The following TPD52L2 variants were observed in gnomAD, a reference collection of about 807,000 sequenced individuals.
TPD52L2 encodes TPD52 like 2, also known as tumor protein D54.
TPD52L2 carries 19 observed loss-of-function variants against 24.7 expected under a neutral mutation model. That is an observed-to-expected ratio of 0.77 (90% CI 0.54 to 1.13). TPD52L2 has a LOEUF of 1.13. Among genes scored for constraint, TPD52L2 ranks in the 50% most tolerant of loss-of-function variants. The pLI is 0.00. For synonymous variants in TPD52L2, 104 were observed against 100.2 expected (o/e 1.04, Z -0.23); for missense variants, 236 against 250.4 (o/e 0.94, Z 0.39).
At chr20:63,876,929 C>T (rs778698268) in intron 4 of TPD52L2, 5 of 453,620 alleles carry the variant, frequency 1.1e-5, no homozygotes, top group South Asian at 3.1e-5. Flanking sequence ...TCCAGGGACC[C>T]GGGCGGTTTG....
At chr20:63,886,563 G>GTTAGCCAGGA (rs1555875339) in intron 5 of TPD52L2, among the ~76,000 whole-genome samples, 46 of 151,652 alleles carry the variant, frequency 3.0e-4, no homozygotes, top group Non-Finnish European at 2.2e-4. Flanking sequence ...GGGTTTCACC[G>GTTAGCCAGGA]TGGTCTCGAT....
At chr20:63,870,787 G>A (rs1247737510) in intron 2 of TPD52L2, among the ~76,000 whole-genome samples, 7 of 148,058 alleles carry the variant, frequency 4.7e-5, no homozygotes, top group Non-Finnish European at 1.0e-4. Context: ...GTGTGATCTC[G>A]GCTCGCTGCA....
intron 5 of TPD52L2, chr20:63,887,417 G>A (rs966913321): frequency 1.3e-5 from 12 of 911,942 alleles, no homozygotes; most frequent in South Asian, 1.3e-4. Flanking sequence ...TTCCTTCGGG[G>A]GCATTGTGTG....
chr20:63,873,391 AG>A (rs1441661459), intron 2 of TPD52L2, among the ~76,000 whole-genome samples: 2 of 151,704 alleles, frequency 1.3e-5, no homozygotes, highest in African/African-American at 4.8e-5. Context: ...TGGGAGGCTG[AG>A]GCAGGAGAAT....
chr20:63,871,837 T>C lies in TPD52L2; in HGVS notation c.166-1831T>C, dbSNP rs187041895. Reference sequence around the variant, plus strand: ...TTGGTAGAGACGGCCTTTCATCATATTGGTCAGGCTGGTCTCGGACTCCTG... The same window carrying C: ...TTGGTAGAGACGGCCTTTCATCATACTGGTCAGGCTGGTCTCGGACTCCTG... On this transcript the variant is annotated intron_variant, in intron 2 of 6. Transcript: ENST00000346249. 8.5e-5 allele frequency among the ~76,000 whole-genome samples: 13 copies of C among 152,056 alleles called. No individual in the cohort carries two copies. The East Asian group carries it at 2.3e-3, about 27-fold the overall frequency.
At chr20:63,881,291 C>T (rs187819214) in intron 4 of TPD52L2, among the ~76,000 whole-genome samples, 2 of 151,090 alleles carry the variant, frequency 1.3e-5, no homozygotes, top group South Asian at 2.1e-4. Flanking sequence ...AACCCGGAGG[C>T]GGAGGTTGTA....
At chr20:63,865,746 C>G (rs923428836) in intron 1 of TPD52L2, among the ~76,000 whole-genome samples, 2 of 140,414 alleles carry the variant, frequency 1.4e-5, no homozygotes, top group East Asian at 3.4e-4. Flanking sequence ...TCTGCCACCC[C>G]CCGGTCCCTG....
At position 63,877,102 on chromosome 20, in the gene TPD52L2, T is replaced by C; in HGVS notation, c.374+1227T>C. 2.5e-6 allele frequency: 1 copy of C among 400,428 alleles called. No homozygotes were observed. Among genetic ancestry groups the C allele is most frequent in the Non-Finnish European group, 4.9e-6 (1 of 202,484 alleles). The allele number at this position is 400,428 out of a possible 1,614,324, so 24.8% of individuals were successfully genotyped here. A position where few individuals can be genotyped will look rare whatever the true frequency, so the allele number is the denominator to read the frequency against. ...GTGCAGTGGCGCCATCTGGGCTCAC[T>C]GCAAGCTCCGCCTCCCGGGTTCACA... On this transcript the variant is annotated intron_variant, in intron 4 of 6. Coordinates refer to ENST00000346249, the MANE Select transcript of TPD52L2 (RefSeq NM_003288.4). This position sits in a 1 kb window ranked among gnomAD's most constrained non-coding sequence, Gnocchi z 4.1.
chr20:63,886,013 C>G, intron 5 of TPD52L2: 1 of 1,614,176 alleles, frequency 6.2e-7, no homozygotes, highest in Non-Finnish European at 8.5e-7. Flanking sequence ...TGCCACCTTC[C>G]AGGGCTCATC....
intron 3 of TPD52L2, among the ~76,000 whole-genome samples, chr20:63,875,013 G>A (rs780543800): frequency 4.9e-4 from 75 of 151,878 alleles, no homozygotes; most frequent in Non-Finnish European, 8.8e-4. Flanking sequence ...GTGGTGGTGC[G>A]CACCTGTGAT....
chr20:63,886,246 AC>A lies in TPD52L2; in HGVS notation c.477-2938del. Among the ~76,000 whole-genome samples the A allele has an allele frequency of 2.6e-5, 4 of 151,120 alleles. 1 individual carries two copies. The highest frequency in any genetic ancestry group is 1.9e-4 in the East Asian group (1 of 5,134). On this transcript the variant is annotated intron_variant, in intron 5 of 6. Transcript: ENST00000346249. ...GGGATCGACGCAGAGGCCCCCCGGA[AC>A]CCCCCGGCCCTTCTGTGTCCCCTCC...
At chr20:63,874,385 T>C (rs972595606) in intron 3 of TPD52L2, among the ~76,000 whole-genome samples, 11 of 150,386 alleles carry the variant, frequency 7.3e-5, no homozygotes, top group Non-Finnish European at 1.5e-4. Context: ...TTTATTATTA[T>C]TCTTTTTTGA....
At chr20:63,865,623 G>A (rs887859811) in intron 1 of TPD52L2, among the ~76,000 whole-genome samples, 6 of 152,186 alleles carry the variant, frequency 3.9e-5, no homozygotes, top group African/African-American at 1.4e-4. Flanking sequence ...TCTCCCCTGG[G>A]ACCGTTCCGA....
chr20:63,875,939 G>T, intron 4 of TPD52L2, 64 bp downstream of exon 4: 1 of 1,520,310 alleles, frequency 6.6e-7, no homozygotes, highest in Non-Finnish European at 9.1e-7. Context: ...CTCAGTCGGG[G>T]AAGGGGGCTG....
chr20:63,882,544 G>A lies in TPD52L2; in HGVS notation c.375-175G>A, dbSNP rs557387939. 9.2e-5 allele frequency among the ~76,000 whole-genome samples: 14 copies of A among 152,374 alleles called. No individual in the cohort carries two copies. The East Asian group carries it at 2.7e-3, about 29-fold the overall frequency. ...CGGCTCCTCGCCGCAGGGGCCTCTG[G>A]GGGCCGAGGGGCTCTGGGCCTGCAC... On this transcript the variant is annotated intron_variant, in intron 4 of 6. Coordinates refer to ENST00000346249, the MANE Select transcript of TPD52L2 (RefSeq NM_003288.4).
At chr20:63,874,086 C>G (rs1258774470) in intron 3 of TPD52L2, among the ~76,000 whole-genome samples, 1 of 152,106 alleles carries the variant, frequency 6.6e-6, no homozygotes, top group Admixed American at 6.6e-5. Flanking sequence ...GAGTCTCACT[C>G]TGTCGCCCAG....
At chr20:63,887,653 G>A in intron 5 of TPD52L2, 3 of 1,594,640 alleles carry the variant, frequency 1.9e-6, no homozygotes, top group Non-Finnish European at 1.7e-6. Flanking sequence ...TGTCTCTGGT[G>A]GGGGTTGGGG....
chr20:63,876,025 A>G (rs2052662010), intron 4 of TPD52L2, 150 bp downstream of exon 4: 4 of 778,320 alleles, frequency 5.1e-6, no homozygotes, highest in East Asian at 2.7e-5. Flanking sequence ...CTCTCAGGTA[A>G]ACTATCCTTT....
chr20:63,889,636 A>G (rs970177447), intron 6 of TPD52L2, among the ~76,000 whole-genome samples: 9 of 152,192 alleles, frequency 5.9e-5, no homozygotes, highest in African/African-American at 2.2e-4. Context: ...GGAACGATAC[A>G]GTGTGCAGCT....
Sources: allele counts gnomAD v4.1 joint callset (sites outside exome capture counted in the v4.1 genomes callset), GRCh38; gene constraint gnomAD v4.1.1; non-coding constraint Gnocchi (gnomAD v3.1); transcripts MANE v1.5; gene names NCBI Gene and HGNC (gene_info 2026-07-23, HGNC 2026-07-21).